RNF144B: variants seen among roughly 807,000 people sequenced by gnomAD.
RNF144B encodes the protein E3 ubiquitin-protein ligase RNF144B.
In RNF144B, 25 loss-of-function variants were observed where a neutral mutation model predicts 40.2. That is an observed-to-expected ratio of 0.62 (90% confidence interval 0.45 to 0.87). The LOEUF (loss-of-function observed/expected upper bound fraction) is 0.87. Among genes scored for constraint, RNF144B ranks in the 40% least tolerant of loss-of-function variants. RNF144B has a pLI of 0.00. For synonymous variants in RNF144B, 145 were observed against 136.3 expected (o/e 1.06, Z -0.44); for missense variants, 365 against 373.7 (o/e 0.98, Z 0.19).
chr6:18,459,246 A>T lies in RNF144B; in HGVS notation c.537-361A>T, dbSNP rs1218976748. Among the ~76,000 whole-genome samples, 1 of 152,224 alleles carries T rather than the reference A, an allele frequency of 6.6e-6. No homozygotes were observed. Among genetic ancestry groups the T allele is most frequent in the Non-Finnish European group, 1.5e-5 (1 of 68,040 alleles). ...TCTCCATTTGTCTAATGAACAGACCATTAGATAGATTATATACGCCCAGTT... is the reference window on the plus strand; with the variant it reads ...TCTCCATTTGTCTAATGAACAGACCTTTAGATAGATTATATACGCCCAGTT... On this transcript the variant is annotated intron_variant, in intron 5 of 7. Coordinates refer to ENST00000259939, the MANE Select transcript of RNF144B (RefSeq NM_182757.4). This position sits in a 1 kb window ranked among gnomAD's most constrained non-coding sequence, Gnocchi z 4.2.
intron 2 of RNF144B, among the ~76,000 whole-genome samples, chr6:18,408,353 A>G (rs1404835588): frequency 6.6e-6 from 1 of 152,146 alleles, no homozygotes; most frequent in Non-Finnish European, 1.5e-5. Context: ...AGAATCCTCA[A>G]TTACTTTAAC....
chr6:18,387,806 C>T (rs2113445820), intron 1 of RNF144B, among the ~76,000 whole-genome samples, 176 bp downstream of exon 1: 1 of 152,294 alleles, frequency 6.6e-6, no homozygotes, highest in South Asian at 2.1e-4. Context: ...CACCTGTTAA[C>T]TTAGAAGAAA....
rs1759402682 is a variant in RNF144B at position 18,459,394 on chromosome 6, T to TGTAA, written c.537-212_537-209dup. Reference sequence around the variant, plus strand: ...AGTGAGTTAAATCAGTGGTGGAAACTGTAATTATATAATTCACTGAAAGCC... The same window carrying TGTAA: ...AGTGAGTTAAATCAGTGGTGGAAACTGTAAGTAATTATATAATTCACTGAAAGCC... On this transcript the variant is annotated intron_variant, in intron 5 of 7. Coordinates refer to ENST00000259939, the MANE Select transcript of RNF144B (RefSeq NM_182757.4). The surrounding 1 kb of genome is among the most constrained non-coding windows in gnomAD (Gnocchi z 4.2). Among the ~76,000 whole-genome samples, 1 of 127,892 alleles carries TGTAA rather than the reference T, an allele frequency of 7.8e-6. No homozygotes were observed. The highest frequency in any genetic ancestry group is 1.8e-5 in the Non-Finnish European group (1 of 54,764). The allele number at this position is 127,892 out of a possible 152,430, so 83.9% of individuals were successfully genotyped here.
rs927907201 is a variant in RNF144B at position 18,441,723 on chromosome 6, G to T, written c.331+1979G>T. Among the ~76,000 whole-genome samples the T allele has an allele frequency of 2.6e-5, 4 of 152,274 alleles. No individual in the cohort carries two copies. Among genetic ancestry groups the T allele is most frequent in the African/African-American group, 9.6e-5 (4 of 41,558 alleles). ...GCAGGCTCCACCACTGGTAAGCTGT[G>T]TGACCATGGCAAGGTCCTTAATATT... On this transcript the variant is annotated intron_variant, in intron 4 of 7. Coordinates refer to ENST00000259939, the MANE Select transcript of RNF144B (RefSeq NM_182757.4). The surrounding 1 kb of genome is among the most constrained non-coding windows in gnomAD (Gnocchi z 4.9).
intron 2 of RNF144B, among the ~76,000 whole-genome samples, chr6:18,411,491 ATATATATTTT>A (rs1282638870): frequency 1.4e-4 from 3 of 21,774 alleles, no homozygotes; most frequent in African/African-American, 5.0e-4. Context: ...ATATATATAT[ATATATATTTT>A]TTTTTTTTTT....
intron 2 of RNF144B, among the ~76,000 whole-genome samples, chr6:18,424,113 C>G (rs1034307719): frequency 1.1e-4 from 17 of 152,162 alleles, no homozygotes; most frequent in African/African-American, 3.9e-4. Flanking sequence ...AGTTTTCCCC[C>G]CTAGAATTGT....
chr6:18,396,890 T>G, intron 1 of RNF144B: 1 of 897,250 alleles, frequency 1.1e-6, no homozygotes, highest in South Asian at 5.1e-5. Flanking sequence ...CTCAAAATCC[T>G]GAATTTGACG....
chr6:18,411,236 G>A (rs1347443528), intron 2 of RNF144B, among the ~76,000 whole-genome samples: 1 of 151,518 alleles, frequency 6.6e-6, no homozygotes, highest in East Asian at 1.9e-4. Flanking sequence ...GCCTGCCTCG[G>A]CCTCCCAAAG....
At position 18,467,889 on chromosome 6, in the gene RNF144B, C is replaced by G. The variant is rs542802356; in HGVS notation, c.*2822C>G. 1 of 152,264 alleles carries G rather than the reference C, an allele frequency of 6.6e-6. No individual in the cohort carries two copies. The highest frequency in any genetic ancestry group is 1.5e-5 in the Non-Finnish European group (1 of 68,102). The allele number at this position is 152,264 out of a possible 1,614,324, so 9.4% of individuals were successfully genotyped here. ...CTCCTGGGCTCAAGCGATCCACCCA[C>G]CTTGGGCTCCCAAAGTGTTGGGATT... On this transcript the variant is annotated 3_prime_UTR_variant, in exon 8 of 8. Transcript: ENST00000259939.
chr6:18,410,032 T>C lies in RNF144B; in HGVS notation c.165+10333T>C, dbSNP rs1433068462. Among the ~76,000 whole-genome samples, 1 of 152,182 alleles carries C rather than the reference T, an allele frequency of 6.6e-6. No homozygotes were observed. The highest frequency in any genetic ancestry group is 1.5e-5 in the Non-Finnish European group (1 of 68,032). Reference sequence around the variant, plus strand: ...TCTGTGCTTGTATGTTGTGTAGACTTTTCCCCCCTTAAGCATGCCTTTGCC... The same window carrying C: ...TCTGTGCTTGTATGTTGTGTAGACTCTTCCCCCCTTAAGCATGCCTTTGCC... On this transcript the variant is annotated intron_variant, in intron 2 of 7. Transcript: ENST00000259939. The surrounding 1 kb of genome is among the most constrained non-coding windows in gnomAD (Gnocchi z 4.6).
At position 18,429,858 on chromosome 6, in the gene RNF144B, G is replaced by C. The variant is rs553869209; in HGVS notation, c.270+2173G>C. Among the ~76,000 whole-genome samples the C allele has an allele frequency of 2.6e-4, 40 of 152,234 alleles. 1 individual carries two copies. Among genetic ancestry groups the C allele is most frequent in the African/African-American group, 8.4e-4 (35 of 41,534 alleles). ...GTGTGCCTGGCCCCATTCCAGGCTG[G>C]GCTGGAGAGGAGAATAAGAAAGGCC... On this transcript the variant is annotated intron_variant, in intron 3 of 7. Transcript: ENST00000259939.
chr6:18,466,593 C>T lies in RNF144B; in HGVS notation c.*1526C>T, dbSNP rs1759575813. 1 of 152,608 alleles carries T rather than the reference C, an allele frequency of 6.6e-6. No individual in the cohort carries two copies. The highest frequency in any genetic ancestry group is 6.5e-5 in the Admixed American group (1 of 15,284). 9.5% of individuals were successfully genotyped at this position (152,608 alleles called of 1,614,324 possible). ...TTGCTATTGGCAATGTAGCCTGGTG[C>T]TTCATGAGACCTATGCTAAATGTTA... On this transcript the variant is annotated 3_prime_UTR_variant, in exon 8 of 8. Coordinates refer to ENST00000259939, the MANE Select transcript of RNF144B (RefSeq NM_182757.4).
Position 18,459,465 on chromosome 6 carries a change from A to T in RNF144B, c.537-142A>T. ...CTTGTATGAGTTATCTGTACATCTA[A>T]TAATGTTTTTGCCCACACCCTTTCT... On this transcript the variant is annotated intron_variant, in intron 5 of 7. Transcript: ENST00000259939. The surrounding 1 kb of genome is among the most constrained non-coding windows in gnomAD (Gnocchi z 4.2). 1.4e-6 allele frequency: 1 copy of T among 698,430 alleles called. No individual in the cohort carries two copies. The highest frequency in any genetic ancestry group is 2.4e-6 in the Non-Finnish European group (1 of 419,078). The allele number at this position is 698,430 out of a possible 1,614,324, so 43.3% of individuals were successfully genotyped here.
rs894387705 is a variant in RNF144B, at chr6:18,460,066, C to A, written c.681+315C>A. On this transcript the variant is annotated intron_variant, in intron 6 of 7. Transcript: ENST00000259939. This position sits in a 1 kb window ranked among gnomAD's most constrained non-coding sequence, Gnocchi z 4.4. ...ATATTGCTGTTGTAACGAATTAGCA[C>A]ATACTTAGTGGCTTAAAATACCACA... Among the ~76,000 whole-genome samples, 18 of 152,206 alleles carry A rather than the reference C, an allele frequency of 1.2e-4. No homozygotes were observed. The highest frequency in any genetic ancestry group is 2.6e-4 in the Non-Finnish European group (18 of 68,044).
Position 18,442,746 on chromosome 6 carries a change from T to C in RNF144B, c.331+3002T>C, listed in dbSNP as rs1454821150. 6.6e-6 allele frequency among the ~76,000 whole-genome samples: 1 copy of C among 152,196 alleles called. No individual in the cohort carries two copies. Among genetic ancestry groups the C allele is most frequent in the Non-Finnish European group, 1.5e-5 (1 of 68,042 alleles). ...CCCTAGTAACCTCTAATCCACTTTC[T>C]CTTATTTGCCTAGCCTAGATATTTC... On this transcript the variant is annotated intron_variant, in intron 4 of 7. Coordinates refer to ENST00000259939, the MANE Select transcript of RNF144B (RefSeq NM_182757.4). The surrounding 1 kb of genome is among the most constrained non-coding windows in gnomAD (Gnocchi z 4.3).
chr6:18,415,575 C>T (rs1032375695), intron 2 of RNF144B, among the ~76,000 whole-genome samples: 12 of 152,114 alleles, frequency 7.9e-5, no homozygotes, highest in Admixed American at 2.6e-4. Context: ...TCAGTTTTAA[C>T]GTAAATTTTG....
rs1011901137 is a variant in RNF144B, at chr6:18,400,020, C to T, written c.165+321C>T. ...GGTGCGTTGCCTCACACCTGTAATC[C>T]CAGCACTTTGGGAGGCCGAGGCGGG... On this transcript the variant is annotated intron_variant, in intron 2 of 7. Coordinates refer to ENST00000259939, the MANE Select transcript of RNF144B (RefSeq NM_182757.4). The surrounding 1 kb of genome is among the most constrained non-coding windows in gnomAD (Gnocchi z 5.6). 2.0e-5 allele frequency among the ~76,000 whole-genome samples: 3 copies of T among 151,998 alleles called. No individual in the cohort carries two copies. The South Asian group carries it at 6.2e-4, about 32-fold the overall frequency.
intron 4 of RNF144B, among the ~76,000 whole-genome samples, chr6:18,445,387 A>G (rs1759059938): frequency 6.6e-6 from 1 of 152,348 alleles, no homozygotes; most frequent in African/African-American, 2.4e-5. Context: ...TTTAGGTCTC[A>G]TGGCAGTTTT....
intron 1 of RNF144B, chr6:18,396,915 A>T (rs935617651): frequency 1.5e-6 from 1 of 676,462 alleles, no homozygotes; most frequent in Non-Finnish European, 1.8e-6. Context: ...GGTCTATTTG[A>T]ATTTAATTTG....
Sources: gnomAD v4.1 joint callset for allele counts (sites outside exome capture counted in the v4.1 genomes callset) on GRCh38, gnomAD v4.1.1 for gene constraint, Gnocchi (gnomAD v3.1) non-coding constraint, MANE v1.5 for transcripts, NCBI Gene and HGNC (gene_info 2026-07-23, HGNC 2026-07-21) for gene names.